DCC: variants seen among roughly 807,000 people sequenced by gnomAD.
The protein encoded by DCC is DCC netrin 1 receptor.
Under a neutral mutation model 172.5 loss-of-function variants are expected in DCC, and 58 were observed. The observed-to-expected ratio is 0.34, with a 90% confidence interval of 0.27 to 0.42. The LOEUF (loss-of-function observed/expected upper bound fraction) is 0.42. Among genes scored for constraint, DCC ranks in the 10% least tolerant of loss-of-function variants. The probability of loss-of-function intolerance (pLI) is 1.00; values close to 1 mark genes in which losing one functional copy is unlikely to be tolerated. For missense variants in DCC, 1,740 were observed against 1,791.0 expected, an observed-to-expected ratio of 0.97 and a Z score of 0.51; for synonymous variants, 709 against 644.5, an observed-to-expected ratio of 1.10 and a Z score of -1.52.
At chr18:53,424,190 T>C (rs770393523) in intron 21 of DCC, among the ~76,000 whole-genome samples, 2 of 152,170 alleles carry the variant, frequency 1.3e-5, no homozygotes, top group Non-Finnish European at 2.9e-5. Flanking sequence ...TAGCAGAAAA[T>C]TTATAGATTT....
At chr18:52,536,285 A>G (rs1436050526) in intron 1 of DCC, among the ~76,000 whole-genome samples, 1 of 152,140 alleles carries the variant, frequency 6.6e-6, no homozygotes, top group Non-Finnish European at 1.5e-5. Flanking sequence ...TTCAAGAACC[A>G]CTTGGTCCTG....
chr18:52,891,645 C>G (rs2039651770), intron 2 of DCC, among the ~76,000 whole-genome samples: 1 of 152,046 alleles, frequency 6.6e-6, no homozygotes. Flanking sequence ...CATTTTTATA[C>G]CTACATAACC....
chr18:52,359,234 T>C (rs774836323), intron 1 of DCC, among the ~76,000 whole-genome samples: 15 of 152,306 alleles, frequency 9.8e-5, no homozygotes, highest in East Asian at 1.9e-4. Context: ...GGCTGTTTCA[T>C]TGGGTTTGAG....
intron 15 of DCC, 148 bp downstream of exon 15, chr18:53,340,055 CACACACACACACACACACACAT>C (rs201855434): frequency 0.098 from 59,989 of 613,478 alleles, 2,060 homozygotes; most frequent in East Asian, 0.2. Flanking sequence ...TCTACACACA[CACACACACACACACACACACAT>C]ACACACACAC....
At chr18:53,078,492 C>A (rs1389121054) in intron 7 of DCC, among the ~76,000 whole-genome samples, 1 of 152,044 alleles carries the variant, frequency 6.6e-6, no homozygotes, top group Non-Finnish European at 1.5e-5. Flanking sequence ...ATGGTAGTGT[C>A]ATTTGCCACA....
chr18:53,462,497 C>T (rs536504150), intron 24 of DCC, among the ~76,000 whole-genome samples: 53 of 151,838 alleles, frequency 3.5e-4, no homozygotes, highest in Non-Finnish European at 5.3e-4. Flanking sequence ...CATCTAGTTG[C>T]AGGAAAACAA....
chr18:52,610,465 T>G (rs1598955230), intron 1 of DCC, among the ~76,000 whole-genome samples: 1 of 140,014 alleles, frequency 7.1e-6, no homozygotes. Flanking sequence ...CTATTTTCTG[T>G]GGGGGAGAGT....
chr18:52,740,052 A>G (rs1175296283), intron 1 of DCC, among the ~76,000 whole-genome samples: 2 of 152,246 alleles, frequency 1.3e-5, no homozygotes, highest in East Asian at 1.9e-4. Flanking sequence ...ATATTTCTTC[A>G]TCTTTCAGTT....
intron 2 of DCC, among the ~76,000 whole-genome samples, chr18:52,829,795 A>G (rs933252326): frequency 4.6e-5 from 7 of 152,168 alleles, no homozygotes; most frequent in Non-Finnish European, 7.4e-5. Context: ...CTCTACCTTT[A>G]TGGGCTTTTA....
chr18:53,524,368 T>C (rs910095610), intron 27 of DCC, among the ~76,000 whole-genome samples: 14 of 152,018 alleles, frequency 9.2e-5, no homozygotes, highest in Non-Finnish European at 1.5e-5. Flanking sequence ...GATTGTAATA[T>C]AGCAACAGTA....
intron 7 of DCC, among the ~76,000 whole-genome samples, chr18:53,114,542 T>C (rs561392903): frequency 8.6e-5 from 13 of 151,756 alleles, no homozygotes; most frequent in Non-Finnish European, 1.3e-4. Context: ...TGCGATGTTA[T>C]TTTTAAAATG....
chr18:53,109,428 A>G (rs2043297986), intron 7 of DCC, among the ~76,000 whole-genome samples: 1 of 151,472 alleles, frequency 6.6e-6, no homozygotes. Flanking sequence ...TTATTTTTTA[A>G]AAATATTTTA....
At chr18:52,356,480 C>T (rs1275616318) in intron 1 of DCC, among the ~76,000 whole-genome samples, 1 of 152,142 alleles carries the variant, frequency 6.6e-6, no homozygotes, top group Non-Finnish European at 1.5e-5. Flanking sequence ...GGTAGCCCAG[C>T]TCAAAATTTG....
At chr18:53,521,293 A>G (rs1482229936) in intron 27 of DCC, among the ~76,000 whole-genome samples, 1 of 152,116 alleles carries the variant, frequency 6.6e-6, no homozygotes, top group East Asian at 1.9e-4. Flanking sequence ...AATTATTATA[A>G]TGAACTTTCT....
intron 1 of DCC, among the ~76,000 whole-genome samples, chr18:52,599,152 A>C (rs1160164496): frequency 1.3e-5 from 2 of 152,140 alleles, no homozygotes; most frequent in African/African-American, 4.8e-5. Flanking sequence ...GAAATACTGG[A>C]GCCAGGGAGA....
At chr18:53,391,029 T>C (rs1368688479) in intron 16 of DCC, among the ~76,000 whole-genome samples, 1 of 152,216 alleles carries the variant, frequency 6.6e-6, no homozygotes, top group Non-Finnish European at 1.5e-5. Context: ...CATGGGATCA[T>C]GTGTACCTGG....
At chr18:52,835,330 A>G (rs924865148) in intron 2 of DCC, among the ~76,000 whole-genome samples, 4 of 152,228 alleles carry the variant, frequency 2.6e-5, no homozygotes, top group Non-Finnish European at 5.9e-5. Context: ...CAACCATTTC[A>G]AAGTAATTTA....
In DCC at chr18:52,894,816, G is replaced by A. The variant is rs572383527; in HGVS notation, c.413-11228G>A. On this transcript the variant is annotated intron_variant, in intron 2 of 28. Coordinates refer to ENST00000442544, the MANE Select transcript of DCC (RefSeq NM_005215.4). ...TTCTTGTTCTATTTGGGCCTTTAAC[G>A]GATTGGATAAAGCCCACCCACACTG... Among the ~76,000 whole-genome samples the A allele has an allele frequency of 1.4e-4, 22 of 152,168 alleles. No homozygotes were observed. In the South Asian group the frequency reaches 3.3e-3, roughly 23 times the overall value.
At chr18:53,332,021 C>T (rs569948000) in intron 14 of DCC, among the ~76,000 whole-genome samples, 9 of 152,216 alleles carry the variant, frequency 5.9e-5, no homozygotes, top group African/African-American at 9.6e-5. Flanking sequence ...TTAGCATCTA[C>T]GTTTCTTTTC....
Sources: gnomAD v4.1 joint callset for allele counts (sites outside exome capture counted in the v4.1 genomes callset) on GRCh38, gnomAD v4.1.1 for gene constraint, MANE v1.5 for transcripts, NCBI Gene and HGNC (gene_info 2026-07-23, HGNC 2026-07-21) for gene names.